Variants in SLX4IP observed in about 807,000 individuals in gnomAD.
SLX4IP encodes the protein protein SLX4IP.
A neutral mutation model predicts 32.9 loss-of-function variants in SLX4IP; 34 were observed. The observed-to-expected ratio is 1.03, with a 90% CI of 0.79 to 1.38. SLX4IP has a LOEUF of 1.38. Among genes scored for constraint, SLX4IP ranks in the 40% most tolerant of loss-of-function variants. SLX4IP has a pLI of 0.00. For synonymous variants in SLX4IP, 172 were observed against 171.7 expected, an observed-to-expected ratio of 1.00 and a Z score of -0.01; for missense variants, 444 against 479.0, an observed-to-expected ratio of 0.93 and a Z score of 0.68.
chr20:10,601,579 C>A (rs1308182724), intron 5 of SLX4IP, 152 bp from the exon 6 acceptor site: 8 of 628,960 alleles, frequency 1.3e-5, no homozygotes, highest in Non-Finnish European at 2.2e-5. Flanking sequence ...CTATTGACGG[C>A]AAACACCGAA....
At chr20:10,529,955 G>A (rs2065974033) in intron 2 of SLX4IP, among the ~76,000 whole-genome samples, 1 of 152,222 alleles carries the variant, frequency 6.6e-6, no homozygotes, top group Non-Finnish European at 1.5e-5. Flanking sequence ...AAAGTTGGGA[G>A]CAGACCAGCA....
At chr20:10,459,154 G>A (rs1309703982) in intron 2 of SLX4IP, among the ~76,000 whole-genome samples, 1 of 152,162 alleles carries the variant, frequency 6.6e-6, no homozygotes, top group East Asian at 1.9e-4. Flanking sequence ...CTACACGAAT[G>A]TCCTTTTTTC....
At position 10,621,414 on chromosome 20, in the gene SLX4IP, T is replaced by C; in HGVS notation, c.506T>C (p.Ile169Thr). 6.2e-7 allele frequency: 1 copy of C among 1,613,920 alleles called. No individual in the cohort carries two copies. The change falls in exon 7 of 8, where the codon ATT becomes ACT. Residue 169 changes from isoleucine (I) to threonine (T), a missense_variant and splice_region_variant. Coordinates refer to ENST00000334534, the MANE Select transcript of SLX4IP (RefSeq NM_001009608.3). ...CTCCGGAGAAATGCTCTGAAAGAAA[T>C]GTAGGTGCAATGTGTTTCCTTTTTC... ...AKLRRNALKE[I>T]VKRTETKSSV...
rs540504784 is a variant in SLX4IP, at chr20:10,459,024, G to T, written c.27+793G>T. Among the ~76,000 whole-genome samples, 14 of 152,292 alleles carry T rather than the reference G, an allele frequency of 9.2e-5. No homozygotes were observed. The East Asian group carries it at 2.3e-3, about 25-fold the overall frequency. ...TTTCTCCGCAATCTCACCAGCATCT[G>T]TTGTTTCCTGACTTTTTAATAATCG... On this transcript the variant is annotated intron_variant, in intron 2 of 7. Transcript: ENST00000334534.
chr20:10,618,784 A>G (rs1317734084), intron 6 of SLX4IP, among the ~76,000 whole-genome samples: 1 of 152,224 alleles, frequency 6.6e-6, no homozygotes, highest in Non-Finnish European at 1.5e-5. Context: ...CACATTATAT[A>G]TCTGCACCTT....
intron 2 of SLX4IP, among the ~76,000 whole-genome samples, chr20:10,499,012 G>T (rs887269135): frequency 6.6e-6 from 1 of 152,048 alleles, no homozygotes; most frequent in African/African-American, 2.4e-5. Flanking sequence ...TGCTTTGGAT[G>T]TTAAAATATC....
chr20:10,564,447 T>G (rs1251075494), intron 4 of SLX4IP, among the ~76,000 whole-genome samples: 2 of 152,218 alleles, frequency 1.3e-5, no homozygotes, highest in African/African-American at 4.8e-5. Flanking sequence ...ATATCTTCTC[T>G]CATTTGCATG....
intron 1 of SLX4IP, among the ~76,000 whole-genome samples, chr20:10,445,933 CTTTTTTTTTTTTTT>C (rs749557514): frequency 1.5e-4 from 9 of 60,696 alleles, no homozygotes; most frequent in Non-Finnish European, 2.6e-4. Context: ...GCTGAGATTG[CTTTTTTTTTTTTTT>C]TTTTTTTTTT....
chr20:10,606,940 G>C (rs1016875080), intron 6 of SLX4IP, among the ~76,000 whole-genome samples: 1 of 152,076 alleles, frequency 6.6e-6, no homozygotes, highest in South Asian at 2.1e-4. Context: ...CCTTTCACTT[G>C]TATGTCAGTG....
intron 2 of SLX4IP, among the ~76,000 whole-genome samples, chr20:10,544,185 G>A (rs1414322204): frequency 6.6e-6 from 1 of 152,078 alleles, no homozygotes. Context: ...GGAGTTTACA[G>A]CCCCCTTTCT....
At chr20:10,474,272 C>G (rs1216167317) in intron 2 of SLX4IP, among the ~76,000 whole-genome samples, 1 of 152,188 alleles carries the variant, frequency 6.6e-6, no homozygotes, top group Non-Finnish European at 1.5e-5. Context: ...GTGTGCTGGT[C>G]TAACAATATT....
At chr20:10,484,176 G>C (rs1406510632) in intron 2 of SLX4IP, among the ~76,000 whole-genome samples, 1 of 151,728 alleles carries the variant, frequency 6.6e-6, no homozygotes, top group Non-Finnish European at 1.5e-5. Flanking sequence ...TTGTTTTAGG[G>C]GCCTCAGTCA....
chr20:10,551,395 G>A (rs889577966), intron 2 of SLX4IP, among the ~76,000 whole-genome samples: 1 of 152,198 alleles, frequency 6.6e-6, no homozygotes, highest in Non-Finnish European at 1.5e-5. Flanking sequence ...GTAACGGCTT[G>A]GTCCCTGGAA....
intron 2 of SLX4IP, among the ~76,000 whole-genome samples, chr20:10,547,718 T>C (rs1415002715): frequency 6.6e-6 from 1 of 152,206 alleles, no homozygotes; most frequent in East Asian, 1.9e-4. Context: ...TTTCCTGCGT[T>C]CAGGGTGCAG....
chr20:10,436,549 G>A (rs1568680243), intron 1 of SLX4IP, among the ~76,000 whole-genome samples: 1 of 151,982 alleles, frequency 6.6e-6, no homozygotes, highest in Admixed American at 6.6e-5. Flanking sequence ...TAGAGACAGG[G>A]TTCGCCATGT....
At chr20:10,613,971 G>A (rs3748471) in intron 6 of SLX4IP, 29,906 of 1,171,008 alleles carry the variant, frequency 0.026, 660 homozygotes, top group Admixed American at 0.1. Context: ...CTCGTCCACC[G>A]TTCCCTGCTC....
chr20:10,596,933 T>C (rs2066777601), intron 4 of SLX4IP, among the ~76,000 whole-genome samples: 1 of 152,238 alleles, frequency 6.6e-6, no homozygotes, highest in Admixed American at 6.5e-5. Flanking sequence ...ATGCAATCTA[T>C]TTTCAAGTGT....
chr20:10,575,416 G>A (rs1383831499), intron 4 of SLX4IP, among the ~76,000 whole-genome samples: 1 of 152,044 alleles, frequency 6.6e-6, no homozygotes, highest in African/African-American at 2.4e-5. Context: ...GAGGGCTGGG[G>A]CATACAGGGA....
Position 10,627,050 on chromosome 20 carries a change from G to A in SLX4IP, c.*3671G>A, listed in dbSNP as rs1965597018. ...GAAGGAAACCTCTGCTCAAGAGAGT[G>A]GCCTGGGATCACAGTGTCGTCATTC... On this transcript the variant is annotated 3_prime_UTR_variant, in exon 8 of 8. Transcript: ENST00000334534. 6.6e-6 allele frequency: 1 copy of A among 152,170 alleles called. No homozygotes were observed. Among genetic ancestry groups the A allele is most frequent in the Non-Finnish European group, 1.5e-5 (1 of 68,022 alleles). 9.4% of individuals were successfully genotyped at this position (152,170 alleles called of 1,614,324 possible).
Sources: allele counts gnomAD v4.1 joint callset (sites outside exome capture counted in the v4.1 genomes callset), GRCh38; gene constraint gnomAD v4.1.1; transcripts MANE v1.5; gene names NCBI Gene and HGNC (gene_info 2026-07-23, HGNC 2026-07-21).